Variants in ZBTB44 observed in about 807,000 individuals in gnomAD.
The protein encoded by ZBTB44 is zinc finger and BTB domain-containing protein 44.
In ZBTB44, 15 loss-of-function variants were observed where a neutral mutation model predicts 54.0. The ratio of observed to expected loss-of-function variants is 0.28; its 90% CI spans 0.19 to 0.43. The LOEUF is 0.43. Among genes scored for constraint, ZBTB44 ranks in the 20% least tolerant of loss-of-function variants. ZBTB44 has a pLI of 1.00. For synonymous variants in ZBTB44, 230 were observed against 250.1 expected (o/e 0.92, Z 0.76); for missense variants, 487 against 707.1 (o/e 0.69, Z 3.53).
intron 1 of ZBTB44, among the ~76,000 whole-genome samples, chr11:130,264,340 T>G (rs1939094798): frequency 6.6e-6 from 1 of 151,928 alleles, no homozygotes; most frequent in Non-Finnish European, 1.5e-5. Context: ...AGAAGAAAGT[T>G]GGGGAAGAGA....
chr11:130,272,906 T>C (rs1939781054), intron 1 of ZBTB44, among the ~76,000 whole-genome samples: 1 of 152,210 alleles, frequency 6.6e-6, no homozygotes, highest in South Asian at 2.1e-4. Context: ...TCTATTCCAT[T>C]GATTTATATG....
At chr11:130,286,769 T>C (rs1940991454) in intron 1 of ZBTB44, among the ~76,000 whole-genome samples, 1 of 152,344 alleles carries the variant, frequency 6.6e-6, no homozygotes, top group East Asian at 1.9e-4. Flanking sequence ...CAGACCTGCA[T>C]GTTAATCATG....
intron 2 of ZBTB44, among the ~76,000 whole-genome samples, chr11:130,241,000 T>C (rs1451969721): frequency 6.6e-6 from 1 of 152,262 alleles, no homozygotes; most frequent in African/African-American, 2.4e-5. Context: ...AACCGGGTCA[T>C]ACTATATGTA....
chr11:130,234,496 C>T (rs915481184), intron 5 of ZBTB44, among the ~76,000 whole-genome samples: 1 of 152,182 alleles, frequency 6.6e-6, no homozygotes, highest in Non-Finnish European at 1.5e-5. Flanking sequence ...ACCACCAATA[C>T]ATCAGGTTAA....
At chr11:130,236,097 G>A in intron 5 of ZBTB44, 6 of 1,276,266 alleles carry the variant, frequency 4.7e-6, no homozygotes, top group Admixed American at 2.4e-5. Context: ...AGAAACCATC[G>A]TTTAAAGCTT....
Position 130,260,988 on chromosome 11 carries a change from C to T in ZBTB44, c.886G>A (p.Asp296Asn). Residue 296 changes from aspartate (D) to asparagine (N), a missense_variant, in exon 2 of 8, where the codon GAT becomes AAT. This residue lies in a region of ZBTB44 where 277 missense variants were observed against 306.5 expected (regional missense o/e 0.90). Coordinates refer to ENST00000357899, the MANE Select transcript of ZBTB44 (RefSeq NM_001301098.2). Reference sequence around the variant, plus strand: ...GACACTTCCTCATGGACCTCCTCATCACTTAATCTTTCTACTTTGACCCGG... The same window carrying T: ...GACACTTCCTCATGGACCTCCTCATTACTTAATCTTTCTACTTTGACCCGG... ...DVRVKVERLS[D>N]EEVHEEVSQP... The T allele has an allele frequency of 6.2e-7, 1 of 1,614,004 alleles. No individual in the cohort carries two copies. Among genetic ancestry groups the T allele is most frequent in the Non-Finnish European group, 8.5e-7 (1 of 1,179,892 alleles).
intron 1 of ZBTB44, among the ~76,000 whole-genome samples, chr11:130,307,173 C>A (rs1249634069): frequency 6.6e-6 from 1 of 151,976 alleles, no homozygotes; most frequent in Non-Finnish European, 1.5e-5. Flanking sequence ...GCTTGTAATC[C>A]CAGCACTTTG....
chr11:130,265,259 C>T (rs1565662701), intron 1 of ZBTB44, among the ~76,000 whole-genome samples: 1 of 152,132 alleles, frequency 6.6e-6, no homozygotes, highest in Non-Finnish European at 1.5e-5. Context: ...CGGAATTTTG[C>T]TCTGTCACCC....
intron 1 of ZBTB44, among the ~76,000 whole-genome samples, chr11:130,308,261 C>T (rs1942388691): frequency 6.6e-6 from 1 of 152,164 alleles, no homozygotes; most frequent in Non-Finnish European, 1.5e-5. Flanking sequence ...CGCCTAACGA[C>T]GCATTTCTCA....
chr11:130,269,875 AAAGC>A (rs2134186007), intron 1 of ZBTB44, among the ~76,000 whole-genome samples: 2 of 152,346 alleles, frequency 1.3e-5, no homozygotes, highest in East Asian at 3.9e-4. Context: ...TTCCTGGCAT[AAAGC>A]AAGCATTCAA....
chr11:130,286,591 A>G (rs1485621003), intron 1 of ZBTB44, among the ~76,000 whole-genome samples: 1 of 152,234 alleles, frequency 6.6e-6, no homozygotes, highest in Non-Finnish European at 1.5e-5. Context: ...GCATTAATTA[A>G]AAGAATTATA....
chr11:130,262,036 G>T, intron 1 of ZBTB44, 107 bp from the exon 2 acceptor site: 1 of 836,214 alleles, frequency 1.2e-6, no homozygotes. Context: ...CTGAAAGATG[G>T]TAGTGACAGA....
chr11:130,309,806 C>T (rs908982945), intron 1 of ZBTB44, among the ~76,000 whole-genome samples: 1 of 150,984 alleles, frequency 6.6e-6, no homozygotes, highest in African/African-American at 2.4e-5. Flanking sequence ...GCAGGAGAAT[C>T]GCTTGAACCC....
Position 130,279,346 on chromosome 11 carries a change from T to G in ZBTB44, c.-56-17417A>C, listed in dbSNP as rs1464567086. Among the ~76,000 whole-genome samples, 5 of 150,570 alleles carry G rather than the reference T, an allele frequency of 3.3e-5. No individual in the cohort carries two copies. In the South Asian group the frequency reaches 8.4e-4, roughly 25 times the overall value. The stretch of plus-strand genomic sequence containing the variant: ...AAAAAAAAGCCCTGGGTTTATATTC[T>G]ACAAATTAATTGAAATCAAAATGTG... On this transcript the variant is annotated intron_variant, in intron 1 of 7. Coordinates refer to ENST00000357899, the MANE Select transcript of ZBTB44 (RefSeq NM_001301098.2).
intron 2 of ZBTB44, among the ~76,000 whole-genome samples, chr11:130,253,341 C>G (rs1350631296): frequency 6.6e-6 from 1 of 152,216 alleles, no homozygotes; most frequent in Non-Finnish European, 1.5e-5. Context: ...CCCAAAATCT[C>G]CTTAAGCTGA....
rs570891558 is a variant in ZBTB44, at chr11:130,278,122, T to C, written c.-56-16193A>G. On this transcript the variant is annotated intron_variant, in intron 1 of 7. Coordinates refer to ENST00000357899, the MANE Select transcript of ZBTB44 (RefSeq NM_001301098.2). The stretch of plus-strand genomic sequence containing the variant: ...AAGATTTTCAGTAAAGATGCTCCAA[T>C]GTATGGAATTATATCCAATAAGCCC... Among the ~76,000 whole-genome samples the C allele has an allele frequency of 6.6e-5, 10 of 152,328 alleles. No homozygotes were observed. In the East Asian group the frequency reaches 1.7e-3, roughly 26 times the overall value.
chr11:130,260,402 C>G (rs74812091), intron 2 of ZBTB44, among the ~76,000 whole-genome samples: 1,842 of 152,346 alleles, frequency 0.012, 40 homozygotes, highest in African/African-American at 0.042. Flanking sequence ...TGCAACCATA[C>G]TACTTTGTTC....
intron 1 of ZBTB44, among the ~76,000 whole-genome samples, chr11:130,303,667 A>G (rs1347919935): frequency 6.6e-6 from 1 of 152,126 alleles, no homozygotes; most frequent in Admixed American, 6.6e-5. Context: ...AAAAAACCCA[A>G]AAAAACACCC....
intron 1 of ZBTB44, chr11:130,296,694 T>C: frequency 1.9e-6 from 2 of 1,048,664 alleles, no homozygotes; most frequent in Non-Finnish European, 3.0e-6. Flanking sequence ...ATTAAGTGAA[T>C]TTGACTTTTC....
Sources: gnomAD v4.1 joint callset for allele counts (sites outside exome capture counted in the v4.1 genomes callset) on GRCh38, gnomAD v4.1.1 for gene constraint, gnomAD v4.1.1 regional missense constraint, MANE v1.5 for transcripts, NCBI Gene and HGNC (gene_info 2026-07-23, HGNC 2026-07-21) for gene names.